Variants in MMD2 observed in about 807,000 individuals in gnomAD.
MMD2 encodes the protein monocyte to macrophage differentiation factor 2.
A neutral mutation model predicts 33.5 loss-of-function variants in MMD2; 30 were observed. That is an observed-to-expected ratio of 0.90 (90% confidence interval 0.67 to 1.22). MMD2 has a LOEUF of 1.22. Ranked by LOEUF, MMD2 falls within the 50% of genes most tolerant of loss-of-function variation. MMD2 has a pLI of 0.00. For missense variants in MMD2, 364 were observed against 325.4 expected (o/e 1.12, Z -0.91); for synonymous variants, 129 against 123.0 (o/e 1.05, Z -0.32).
intron 1 of MMD2, among the ~76,000 whole-genome samples, chr7:4,944,808 C>G (rs1786011086): frequency 7.8e-6 from 1 of 128,006 alleles, no homozygotes; most frequent in South Asian, 2.4e-4. Flanking sequence ...TGCTTTGTCG[C>G]CTAGGCTGGA....
At chr7:4,932,815 G>A (rs1401626104) in intron 1 of MMD2, among the ~76,000 whole-genome samples, 1 of 151,810 alleles carries the variant, frequency 6.6e-6, no homozygotes, top group Non-Finnish European at 1.5e-5. Flanking sequence ...TAGAAACAGG[G>A]GGTCTCATCA....
intron 1 of MMD2, among the ~76,000 whole-genome samples, chr7:4,941,561 C>T (rs1016083974): frequency 1.3e-5 from 2 of 148,434 alleles, no homozygotes; most frequent in Middle Eastern, 3.3e-3. Flanking sequence ...ACCTGGGAGG[C>T]GGAGGTTACA....
At chr7:4,949,924 T>G (rs1387410022) in intron 1 of MMD2, among the ~76,000 whole-genome samples, 1 of 152,130 alleles carries the variant, frequency 6.6e-6, no homozygotes, top group Non-Finnish European at 1.5e-5. Flanking sequence ...CCCCATCTCC[T>G]CTCTCACATT....
At chr7:4,937,969 C>CTTTTTCTTTTT (rs142455867) in intron 1 of MMD2, among the ~76,000 whole-genome samples, 7,750 of 96,408 alleles carry the variant, frequency 0.08, 386 homozygotes, top group East Asian at 0.14. Context: ...AATTTAATTT[C>CTTTTTCTTTTT]TTTTTCTTTT....
intron 1 of MMD2, among the ~76,000 whole-genome samples, chr7:4,926,236 T>C (rs1258995449): frequency 6.6e-6 from 1 of 152,140 alleles, no homozygotes; most frequent in East Asian, 1.9e-4. Flanking sequence ...ATGCTGGGAC[T>C]ACAGGCACAA....
Position 4,906,445 on chromosome 7 carries a change from T to C in MMD2, c.*951A>G. On this transcript the variant is annotated 3_prime_UTR_variant, in exon 7 of 7. Transcript: ENST00000401401. The stretch of plus-strand genomic sequence containing the variant: ...CCAAGAGAGAATCCAAATGTTGGCA[T>C]CACAAACCTTAAGTATGGAGCAGGG... 2.5e-6 allele frequency: 1 copy of C among 398,616 alleles called. No homozygotes were observed. The highest frequency in any genetic ancestry group is 4.4e-5 in the Admixed American group (1 of 22,718). The allele number at this position is 398,616 out of a possible 1,614,324, so 24.7% of individuals were successfully genotyped here.
chr7:4,947,271 G>A (rs1786113929), intron 1 of MMD2, among the ~76,000 whole-genome samples: 1 of 152,098 alleles, frequency 6.6e-6, no homozygotes, highest in Non-Finnish European at 1.5e-5. Flanking sequence ...GGCTGTACAG[G>A]AAGCATGGCG....
At chr7:4,921,153 C>T (rs977535972) in intron 2 of MMD2, among the ~76,000 whole-genome samples, 3 of 152,058 alleles carry the variant, frequency 2.0e-5, no homozygotes, top group East Asian at 3.9e-4. Flanking sequence ...GTGGCCATCC[C>T]CACCACATCC....
intron 4 of MMD2, among the ~76,000 whole-genome samples, chr7:4,911,598 G>A (rs200748417): frequency 6.6e-6 from 1 of 151,454 alleles, no homozygotes; most frequent in Non-Finnish European, 1.5e-5. Context: ...ATGCTGTTTT[G>A]TTTTATTTAT....
chr7:4,950,975 A>G (rs992434747), intron 1 of MMD2, among the ~76,000 whole-genome samples: 4 of 151,970 alleles, frequency 2.6e-5, no homozygotes, highest in Admixed American at 2.0e-4. Flanking sequence ...AGCCTCCCAA[A>G]TTGCTGGGAT....
chr7:4,937,119 C>T (rs541593175), intron 1 of MMD2, among the ~76,000 whole-genome samples: 14 of 150,872 alleles, frequency 9.3e-5, no homozygotes, highest in Admixed American at 2.7e-4. Flanking sequence ...TATTGTGGGC[C>T]GGGCATGGTG....
chr7:4,945,109 T>C (rs573216246), intron 1 of MMD2, among the ~76,000 whole-genome samples: 2 of 150,514 alleles, frequency 1.3e-5, no homozygotes, highest in South Asian at 4.3e-4. Context: ...AACACACTTC[T>C]TTTTTCTTTT....
the MMD2 span, among the ~76,000 whole-genome samples, chr7:4,895,922 C>G: frequency 4.9e-4 from 74 of 152,194 alleles, no homozygotes; most frequent in Middle Eastern, 3.4e-3. Context: ...GCCTGTTTAG[C>G]GTGCCCTGCT....
Position 4,907,008 on chromosome 7 carries a change from C to T in MMD2, c.*388G>A, listed in dbSNP as rs1784880716. 2 of 230,134 alleles carry T rather than the reference C, an allele frequency of 8.7e-6. No individual in the cohort carries two copies. The highest frequency in any genetic ancestry group is 1.7e-5 in the Non-Finnish European group (2 of 117,424). The allele number at this position is 230,134 out of a possible 1,614,324, so 14.3% of individuals were successfully genotyped here. On this transcript the variant is annotated 3_prime_UTR_variant, in exon 7 of 7. Transcript: ENST00000401401. ...GACTTTGGTAACAGAGAGGGAGGCC[C>T]TGGCCACCCAGGTATAAACAACCCA... is the stretch of plus-strand genomic sequence containing the variant.
chr7:4,948,790 GT>G lies in MMD2; in HGVS notation c.47+10180del, dbSNP rs528865334. Among the ~76,000 whole-genome samples, 11 of 152,196 alleles carry G rather than the reference GT, an allele frequency of 7.2e-5. No homozygotes were observed. The South Asian group carries it at 2.3e-3, about 32-fold the overall frequency. On this transcript the variant is annotated intron_variant, in intron 1 of 6. Transcript: ENST00000401401. The stretch of plus-strand genomic sequence containing the variant: ...AGAATTGTAGGAAATACATTTTTGT[GT>G]TTTTTTCTTTCCAAAATTCTTTTTA...
At chr7:4,918,286 T>A (rs778326322) in intron 3 of MMD2, among the ~76,000 whole-genome samples, 1 of 152,214 alleles carries the variant, frequency 6.6e-6, no homozygotes, top group African/African-American at 2.4e-5. Flanking sequence ...ACTGTGGCTC[T>A]GTCTAGCAAA....
At chr7:4,911,644 T>C (rs534848138) in intron 4 of MMD2, among the ~76,000 whole-genome samples, 1 of 151,542 alleles carries the variant, frequency 6.6e-6, no homozygotes, top group Non-Finnish European at 1.5e-5. Context: ...TATTTTATTT[T>C]ATTTATTTTA....
intron 6 of MMD2, chr7:4,909,621 G>C: frequency 6.4e-6 from 4 of 627,630 alleles, no homozygotes; most frequent in Non-Finnish European, 1.1e-5. Flanking sequence ...TTTTTTTTTA[G>C]AGATGGGTCT....
chr7:4,909,840 C>A, intron 6 of MMD2, 41 bp downstream of exon 6: 1 of 1,583,662 alleles, frequency 6.3e-7, no homozygotes, highest in South Asian at 1.1e-5. Flanking sequence ...CACTCTTGGT[C>A]TCTTGCAGGG....
Sources: allele counts gnomAD v4.1 joint callset (sites outside exome capture counted in the v4.1 genomes callset), GRCh38; gene constraint gnomAD v4.1.1; transcripts MANE v1.5; gene names NCBI Gene and HGNC (gene_info 2026-07-23, HGNC 2026-07-21).